Variants in TRIO observed in about 807,000 individuals in gnomAD.
TRIO encodes triple functional domain protein.
In TRIO, 58 loss-of-function variants were observed where a neutral mutation model predicts 351.9. The observed-to-expected ratio is 0.16, with a 90% CI of 0.13 to 0.21. The LOEUF is 0.21. Ranked by LOEUF, TRIO falls within the 10% of genes least tolerant of loss-of-function variation. The pLI, the probability that TRIO is intolerant of heterozygous loss-of-function variation, is 1.00. For missense variants in TRIO, 3,201 were observed against 4,027.8 expected (o/e 0.79, Z 5.56); for synonymous variants, 1,758 against 1,595.7 (o/e 1.10, Z -2.42).
intron 2 of TRIO, among the ~76,000 whole-genome samples, chr5:14,271,406 GT>G (rs1795966935): frequency 6.6e-6 from 1 of 152,114 alleles, no homozygotes; most frequent in South Asian, 2.1e-4. Context: ...TGAAGCCCTG[GT>G]GATTTTACCA....
intron 1 of TRIO, among the ~76,000 whole-genome samples, chr5:14,197,226 G>T (rs1790833600): frequency 6.6e-6 from 1 of 152,192 alleles, no homozygotes; most frequent in Non-Finnish European, 1.5e-5. Flanking sequence ...CCCCTGGGCT[G>T]TCCTCCCCTC....
intron 48 of TRIO, among the ~76,000 whole-genome samples, chr5:14,489,776 A>G (rs1756341566): frequency 6.6e-6 from 1 of 152,210 alleles, no homozygotes; most frequent in African/African-American, 2.4e-5. Flanking sequence ...CTCTGAGGCC[A>G]AGGCGCAATC....
At chr5:14,235,330 A>G (rs1356153704) in intron 1 of TRIO, among the ~76,000 whole-genome samples, 3 of 152,220 alleles carry the variant, frequency 2.0e-5, no homozygotes, top group Non-Finnish European at 4.4e-5. Flanking sequence ...TGAGATCCAA[A>G]CAAAAATTTA....
intron 1 of TRIO, among the ~76,000 whole-genome samples, chr5:14,237,283 A>G (rs1350535508): frequency 6.6e-6 from 1 of 152,222 alleles, no homozygotes. Context: ...TCCTGTCGGC[A>G]CTCAAAATAT....
chr5:14,241,156 T>G (rs918982325), intron 1 of TRIO, among the ~76,000 whole-genome samples: 1 of 152,244 alleles, frequency 6.6e-6, no homozygotes, highest in African/African-American at 2.4e-5. Flanking sequence ...TAAAACAATT[T>G]GAGTTTTCTT....
intron 34 of TRIO, chr5:14,441,206 A>C (rs1378544651): frequency 6.5e-6 from 1 of 152,688 alleles, no homozygotes; most frequent in Non-Finnish European, 1.5e-5. Context: ...GAGAGGTAGG[A>C]TAGGGGTTCT....
Position 14,496,999 on chromosome 5 carries a change from C to T in TRIO, c.8001C>T (p.Ser2667=). The T allele has an allele frequency of 6.2e-7, 1 of 1,614,216 alleles. No individual in the cohort carries two copies. The highest frequency in any genetic ancestry group is 8.5e-7 in the Non-Finnish European group (1 of 1,180,028). Residue 2667 remains serine, a synonymous_variant, in exon 50 of 57, where the codon AGC becomes AGT. Coordinates refer to ENST00000344204, the MANE Select transcript of TRIO (RefSeq NM_007118.4). ...ATCGGAAGTCACGGGAAGGACTCAG[C>T]AACAAGGTATCTGTGAAGGTGTGTT... The part of the protein sequence containing the change: ...NGYRKSREGL[S]NKVSVKLLNP...
intron 28 of TRIO, among the ~76,000 whole-genome samples, chr5:14,395,164 T>C (rs983134549): frequency 4.6e-5 from 7 of 152,198 alleles, no homozygotes; most frequent in Admixed American, 1.3e-4. Flanking sequence ...CAGTAATAAG[T>C]AGCTACATCG....
In TRIO at chr5:14,158,297, C is replaced by T. The variant is rs555751077; in HGVS notation, c.157+14415C>T. Among the ~76,000 whole-genome samples, 234 of 152,006 alleles carry T rather than the reference C, an allele frequency of 1.5e-3. 1 individual carries two copies. Among genetic ancestry groups the T allele is most frequent in the Non-Finnish European group, 3.0e-3 (202 of 67,978 alleles). On this transcript the variant is annotated intron_variant, in intron 1 of 56. Transcript: ENST00000344204. ...AAAATTAGCTGAGCGTGGTGGTGCACGCCTGTAGTCCCAGCTACTGGAGAG... is the reference window on the plus strand; with the variant it reads ...AAAATTAGCTGAGCGTGGTGGTGCATGCCTGTAGTCCCAGCTACTGGAGAG...
intron 4 of TRIO, among the ~76,000 whole-genome samples, chr5:14,289,873 T>C (rs920493152): frequency 1.3e-5 from 2 of 152,002 alleles, no homozygotes; most frequent in Non-Finnish European, 1.5e-5. Flanking sequence ...ATAATAAATA[T>C]AAAGATTTCT....
intron 11 of TRIO, among the ~76,000 whole-genome samples, chr5:14,352,218 TC>T (rs1164271257): frequency 6.6e-6 from 1 of 152,092 alleles, no homozygotes; most frequent in Non-Finnish European, 1.5e-5. Flanking sequence ...GGCCTGCAGA[TC>T]CCCTGGGCAC....
intron 33 of TRIO, among the ~76,000 whole-genome samples, chr5:14,414,901 G>A (rs1455913781): frequency 6.6e-6 from 1 of 152,178 alleles, no homozygotes; most frequent in Non-Finnish European, 1.5e-5. Context: ...AGCTTGGGTG[G>A]GTGAGAGCCT....
chr5:14,214,076 G>A (rs1792075961), intron 1 of TRIO, among the ~76,000 whole-genome samples: 2 of 152,130 alleles, frequency 1.3e-5, no homozygotes, highest in Admixed American at 6.5e-5. Context: ...CAGGCAAGCC[G>A]CAGTCAGGGC....
chr5:14,240,697 G>C lies in TRIO; in HGVS notation c.158-30128G>C, dbSNP rs114825233. On this transcript the variant is annotated intron_variant, in intron 1 of 56. Coordinates refer to ENST00000344204, the MANE Select transcript of TRIO (RefSeq NM_007118.4). ...TTCTCCAGAGAGATGGCATCCTTTT[G>C]TAGATTTTCAGACAAGACGGACTAC... 1.1e-4 allele frequency among the ~76,000 whole-genome samples: 16 copies of C among 152,270 alleles called. No homozygotes were observed. The East Asian group carries it at 3.1e-3, about 29-fold the overall frequency.
At chr5:14,372,930 G>A (rs1579460009) in intron 18 of TRIO, among the ~76,000 whole-genome samples, 2 of 152,162 alleles carry the variant, frequency 1.3e-5, no homozygotes, top group South Asian at 4.1e-4. Flanking sequence ...AAAAGAAAGA[G>A]GTTTAGTTGA....
At position 14,298,525 on chromosome 5, in the gene TRIO, G is replaced by A. The variant is rs1446759401; in HGVS notation, c.1368+1262G>A. Among the ~76,000 whole-genome samples the A allele has an allele frequency of 3.3e-5, 5 of 152,192 alleles. No homozygotes were observed. In the South Asian group the frequency reaches 6.2e-4, roughly 19 times the overall value. ...ATTTGCACGGATGCTTCTTAAAAAG[G>A]AAATAGTATCTCTTTCATCTAGAAA... On this transcript the variant is annotated intron_variant, in intron 7 of 56. Coordinates refer to ENST00000344204, the MANE Select transcript of TRIO (RefSeq NM_007118.4).
At chr5:14,226,999 A>T (rs1261676782) in intron 1 of TRIO, among the ~76,000 whole-genome samples, 1 of 152,078 alleles carries the variant, frequency 6.6e-6, no homozygotes, top group Non-Finnish European at 1.5e-5. Flanking sequence ...CCAAACAGGG[A>T]AAAACATCAT....
chr5:14,145,493 C>CA (rs1491204502), intron 1 of TRIO, among the ~76,000 whole-genome samples: 1 of 44,162 alleles, frequency 2.3e-5, no homozygotes, highest in Admixed American at 1.7e-4. Flanking sequence ...AAGAAAGCTA[C>CA]CCCCCCCCAC....
intron 38 of TRIO, 65 bp from the exon 39 acceptor site, chr5:14,472,527 G>A (rs1754765500): frequency 1.3e-6 from 2 of 1,567,708 alleles, no homozygotes; most frequent in Admixed American, 3.4e-5. Context: ...TTGACCAGGA[G>A]CAAAGGTACA....
Sources: allele counts gnomAD v4.1 joint callset (sites outside exome capture counted in the v4.1 genomes callset), GRCh38; gene constraint gnomAD v4.1.1; transcripts MANE v1.5; gene names NCBI Gene and HGNC (gene_info 2026-07-23, HGNC 2026-07-21).